The following ARID1B variants were observed in gnomAD, a reference collection of about 807,000 sequenced individuals.
ARID1B encodes AT-rich interactive domain-containing protein 1B.
ARID1B carries 30 observed loss-of-function variants against 212.3 expected under a neutral mutation model. That is an observed-to-expected ratio of 0.14 (90% CI 0.11 to 0.19). The LOEUF is 0.19. ARID1B is among the 10% of genes least tolerant of loss of function. ARID1B has a pLI of 1.00. For missense variants in ARID1B, 2,891 were observed against 3,204.0 expected, an observed-to-expected ratio of 0.90 and a Z score of 2.36; for synonymous variants, 1,402 against 1,301.7, an observed-to-expected ratio of 1.08 and a Z score of -1.66.
At chr6:156,874,313 C>T (rs1023173888) in intron 2 of ARID1B, among the ~76,000 whole-genome samples, 15 of 152,202 alleles carry the variant, frequency 9.9e-5, no homozygotes, top group Admixed American at 9.2e-4. Flanking sequence ...AGCTATCCAG[C>T]CACTTCAGCC....
intron 4 of ARID1B, among the ~76,000 whole-genome samples, chr6:156,954,736 C>T (rs1793836782): frequency 6.6e-6 from 1 of 152,124 alleles, no homozygotes; most frequent in Non-Finnish European, 1.5e-5. Flanking sequence ...AATCCTTCTT[C>T]TATATGACGG....
intron 4 of ARID1B, among the ~76,000 whole-genome samples, chr6:156,983,898 C>A (rs1458839635): frequency 1.3e-5 from 2 of 152,164 alleles, no homozygotes; most frequent in Non-Finnish European, 2.9e-5. Flanking sequence ...TACCCGATTT[C>A]CTGCACCCCT....
intron 1 of ARID1B, among the ~76,000 whole-genome samples, chr6:156,783,375 A>G (rs1779413367): frequency 6.6e-6 from 1 of 152,210 alleles, no homozygotes; most frequent in African/African-American, 2.4e-5. Context: ...ACTGATTTTA[A>G]AAATGTAAGA....
intron 4 of ARID1B, among the ~76,000 whole-genome samples, chr6:156,995,269 G>C (rs1307491575): frequency 6.6e-6 from 1 of 152,236 alleles, no homozygotes; most frequent in South Asian, 2.1e-4. Context: ...TCACTGAAAA[G>C]AACTCTGTTT....
chr6:156,989,262 C>T (rs1778126706), intron 4 of ARID1B, among the ~76,000 whole-genome samples: 2 of 152,194 alleles, frequency 1.3e-5, no homozygotes, highest in Non-Finnish European at 2.9e-5. Context: ...TGAAACACTG[C>T]TGGGACAAAA....
intron 2 of ARID1B, among the ~76,000 whole-genome samples, chr6:156,889,111 G>A (rs1204456915): frequency 1.3e-5 from 2 of 152,122 alleles, no homozygotes; most frequent in Non-Finnish European, 2.9e-5. Flanking sequence ...TGCCAGCTCT[G>A]TTTTCTTCAA....
chr6:157,099,877 G>T (rs1785944426), intron 5 of ARID1B, among the ~76,000 whole-genome samples: 1 of 152,186 alleles, frequency 6.6e-6, no homozygotes, highest in South Asian at 2.1e-4. Context: ...TCAAGTTCGG[G>T]AATTGGAAGT....
chr6:156,958,337 ATTTG>A (rs1288972477), intron 4 of ARID1B, among the ~76,000 whole-genome samples: 1 of 152,228 alleles, frequency 6.6e-6, no homozygotes, highest in Non-Finnish European at 1.5e-5. Flanking sequence ...ATTTCTCAGT[ATTTG>A]TTTGATTCTG....
At chr6:157,177,582 A>G (rs181371305) in intron 11 of ARID1B, among the ~76,000 whole-genome samples, 1 of 152,334 alleles carries the variant, frequency 6.6e-6, no homozygotes, top group East Asian at 1.9e-4. Context: ...ATTTGTCCAT[A>G]CACATACACA....
At position 156,779,481 on chromosome 6, in the gene ARID1B, G is replaced by T; in HGVS notation, c.1791+10G>T. ...CATGGGCAGATCCCAGGTAACCCTC[G>T]CGCCAGCCGGGCCTGCTTCCGCCCG... On this transcript the variant is annotated intron_variant, in intron 1 of 19. Transcript: ENST00000636930. The T allele has an allele frequency of 7.3e-7, 1 of 1,366,696 alleles. No homozygotes were observed. The highest frequency in any genetic ancestry group is 9.5e-7 in the Non-Finnish European group (1 of 1,055,110). 84.7% of individuals were successfully genotyped at this position (1,366,696 alleles called of 1,614,324 possible). A position where few individuals can be genotyped will look rare whatever the true frequency, so the allele number is the denominator to read the frequency against.
At chr6:157,109,246 A>G (rs1398759341) in intron 5 of ARID1B, among the ~76,000 whole-genome samples, 1 of 152,058 alleles carries the variant, frequency 6.6e-6, no homozygotes, top group African/African-American at 2.4e-5. Context: ...CCTGACCTTC[A>G]CGGGGGGCGA....
intron 6 of ARID1B, among the ~76,000 whole-genome samples, chr6:157,123,771 G>A (rs1342474271): frequency 6.6e-6 from 1 of 152,250 alleles, no homozygotes; most frequent in Admixed American, 6.5e-5. Flanking sequence ...TAAACCTCTA[G>A]TGTGTGCAAG....
chr6:157,000,740 C>T (rs904286946), intron 4 of ARID1B, among the ~76,000 whole-genome samples: 8 of 123,646 alleles, frequency 6.5e-5, no homozygotes, highest in Non-Finnish European at 1.4e-4. Flanking sequence ...ACTTTGTTGC[C>T]CAGGCTGCAG....
At chr6:156,792,601 G>A (rs1213897710) in intron 1 of ARID1B, among the ~76,000 whole-genome samples, 5 of 152,168 alleles carry the variant, frequency 3.3e-5, no homozygotes, top group Non-Finnish European at 7.3e-5. Flanking sequence ...CTGATAGGAC[G>A]AGATGCATAA....
chr6:157,143,785 G>A (rs745449459), intron 7 of ARID1B, among the ~76,000 whole-genome samples: 2 of 152,224 alleles, frequency 1.3e-5, no homozygotes, highest in Admixed American at 6.5e-5. Flanking sequence ...TGAGTCTAAT[G>A]AGGAAAGTTT....
chr6:157,013,177 C>T (rs753813941), intron 4 of ARID1B, among the ~76,000 whole-genome samples: 4 of 152,268 alleles, frequency 2.6e-5, no homozygotes, highest in Non-Finnish European at 5.9e-5. Context: ...CGGCGCCCTG[C>T]CGGCATGAAG....
intron 9 of ARID1B, chr6:157,167,927 T>C (rs1339785166): frequency 6.6e-6 from 1 of 152,230 alleles, no homozygotes; most frequent in Non-Finnish European, 1.5e-5. Context: ...TAAAGTGATG[T>C]GTATTTCCAG....
rs1451702908 is a variant in ARID1B, at chr6:156,779,150, C to A, written c.1470C>A (p.Gly490=). 2.3e-6 allele frequency: 3 copies of A among 1,301,830 alleles called. No homozygotes were observed. The highest frequency in any genetic ancestry group is 2.9e-6 in the Non-Finnish European group (3 of 1,020,312). The allele number at this position is 1,301,830 out of a possible 1,614,324, so 80.6% of individuals were successfully genotyped here. A position where few individuals can be genotyped will look rare whatever the true frequency, so the allele number is the denominator to read the frequency against. The change falls in exon 1 of 20, where the codon GGC becomes GGA. Residue 490 remains glycine (G), a synonymous_variant. Coordinates refer to ENST00000636930, the MANE Select transcript of ARID1B (RefSeq NM_001374828.1). ...CGGGGGGCTTCCAGCGCTTCGCCGG[C>A]CAGAACCAGCACCCGTCGGGGGCCA... ...SAAGGFQRFA[G]QNQHPSGATP... is the part of the protein sequence containing the mutation.
intron 4 of ARID1B, among the ~76,000 whole-genome samples, chr6:157,020,229 C>T (rs1210141975): frequency 6.6e-6 from 1 of 152,102 alleles, no homozygotes; most frequent in Non-Finnish European, 1.5e-5. Context: ...AACATTCCTT[C>T]TCTGATGAAG....
Sources: allele counts gnomAD v4.1 joint callset (sites outside exome capture counted in the v4.1 genomes callset), GRCh38; gene constraint gnomAD v4.1.1; transcripts MANE v1.5; gene names NCBI Gene and HGNC (gene_info 2026-07-23, HGNC 2026-07-21).